Variants in DCDC1 observed in about 807,000 individuals in gnomAD.
DCDC1 encodes doublecortin domain-containing protein 1.
DCDC1 carries 200 observed loss-of-function variants against 178.3 expected under a neutral mutation model. The observed-to-expected ratio is 1.12, with a 90% confidence interval of 1.00 to 1.26. The LOEUF is 1.26. DCDC1 is among the 50% of genes most tolerant of loss of function. The pLI is 0.00. For missense variants in DCDC1, 1,983 were observed against 1,749.2 expected (o/e 1.13, Z -2.38); for synonymous variants, 690 against 604.8 (o/e 1.14, Z -2.07).
At chr11:31,226,458 G>T (rs756465485) in intron 9 of DCDC1, among the ~76,000 whole-genome samples, 1 of 149,850 alleles carries the variant, frequency 6.7e-6, no homozygotes, top group Non-Finnish European at 1.5e-5. Flanking sequence ...GTAAACCCCC[G>T]AATAAAAACA....
In DCDC1 at chr11:30,909,016, T is replaced by C; in HGVS notation, c.3848A>G (p.Glu1283Gly). Residue 1283 changes from glutamate (E) to glycine (G), a missense_variant, in exon 29 of 39, where the codon GAA becomes GGA. Glu to Gly is a moderately conservative substitution (Grantham distance 98). Transcript: ENST00000684477. The part of the protein sequence containing the change: ...VAFHSTALDK[E>G]ITSANYAGVC... ...ACCAGCATAATTTGCTGATGTAATTTCCTTATCCAAGGCAGTGCTATGAAA... is the reference window on the plus strand; with the variant it reads ...ACCAGCATAATTTGCTGATGTAATTCCCTTATCCAAGGCAGTGCTATGAAA... 1 of 1,612,066 alleles carries C rather than the reference T, an allele frequency of 6.2e-7. No homozygotes were observed. The highest frequency in any genetic ancestry group is 8.5e-7 in the Non-Finnish European group (1 of 1,178,666).
intron 9 of DCDC1, among the ~76,000 whole-genome samples, chr11:31,204,960 T>C (rs980054137): frequency 2.0e-5 from 3 of 152,194 alleles, no homozygotes; most frequent in Non-Finnish European, 4.4e-5. Context: ...TTCCAGTCTA[T>C]ATAAAGTAGA....
chr11:31,152,297 G>A (rs1359079733), intron 9 of DCDC1, among the ~76,000 whole-genome samples: 1 of 152,156 alleles, frequency 6.6e-6, no homozygotes, highest in African/African-American at 2.4e-5. Context: ...TTCCATTGGA[G>A]AGAGCTTAGT....
chr11:31,217,338 T>C (rs1168834314), intron 9 of DCDC1, among the ~76,000 whole-genome samples: 1 of 152,184 alleles, frequency 6.6e-6, no homozygotes, highest in Non-Finnish European at 1.5e-5. Context: ...TTCAAAGTGA[T>C]TTTAAGTCAA....
rs1442705505 is a variant in DCDC1 at position 30,881,300 on chromosome 11, T to C, written c.5091A>G (p.Gln1697=). ...TCATTTTGAGACGAGAGGAGCAGTC[T>C]TGCAGCAGCTGAGACACAGAGGGAC... ...AWGKTISELL[Q]DCSSRLKMTH... is the part of the protein sequence containing the mutation. Residue 1697 remains glutamine (Q), a synonymous_variant, in exon 37 of 39, where the codon CAA becomes CAG. Coordinates refer to ENST00000684477, the MANE Select transcript of DCDC1 (RefSeq NM_001387274.1). 1.9e-6 allele frequency: 3 copies of C among 1,613,142 alleles called. No individual in the cohort carries two copies. The Admixed American group carries it at 5.0e-5, about 27-fold the overall frequency.
At position 31,241,457 on chromosome 11, in the gene DCDC1, T is replaced by G; in HGVS notation, c.1214A>C (p.Tyr405Ser). Reference protein sequence around the residue: ...YQRLKSAKKYYKQLNLVMNEQ... With the variant: ...YQRLKSAKKYSKQLNLVMNEQ... Reference sequence around the variant, plus strand: ...TAAAGAGGGATGACTCACCTGTTTATAATATTTTTTTGCAGACTTTAATCG... The same window carrying G: ...TAAAGAGGGATGACTCACCTGTTTAGAATATTTTTTTGCAGACTTTAATCG... The change falls in exon 9 of 39, where the codon TAT becomes TCT. Residue 405 changes from tyrosine to serine, a missense_variant. Transcript: ENST00000684477. 2.5e-6 allele frequency: 1 copy of G among 397,122 alleles called. No homozygotes were observed. Among genetic ancestry groups the G allele is most frequent in the Non-Finnish European group, 4.5e-6 (1 of 224,674 alleles). The allele number at this position is 397,122 out of a possible 1,614,324, so 24.6% of individuals were successfully genotyped here. A position where few individuals can be genotyped will look rare whatever the true frequency, so the allele number is the denominator to read the frequency against.
chr11:31,100,130 CA>C (rs1232337226), intron 15 of DCDC1, among the ~76,000 whole-genome samples: 1 of 152,032 alleles, frequency 6.6e-6, no homozygotes, highest in Non-Finnish European at 1.5e-5. Context: ...GAATTCTAGT[CA>C]AAGAGGTCCA....
intron 1 of DCDC1, among the ~76,000 whole-genome samples, chr11:31,339,185 G>C (rs1950419188): frequency 6.6e-6 from 1 of 152,154 alleles, no homozygotes. Flanking sequence ...TATGTGCTAT[G>C]GTTGGAATGT....
chr11:30,943,698 G>A (rs1170167425), intron 21 of DCDC1: 3 of 445,624 alleles, frequency 6.7e-6, no homozygotes, highest in Non-Finnish European at 1.3e-5. Context: ...GAAACCAAAA[G>A]AATTTATTAA....
intron 1 of DCDC1, among the ~76,000 whole-genome samples, chr11:31,336,241 T>C (rs1950268005): frequency 6.6e-6 from 1 of 152,214 alleles, no homozygotes; most frequent in Non-Finnish European, 1.5e-5. Context: ...ATAGAGCTGG[T>C]AGCATCTGGG....
At chr11:31,044,481 A>G (rs1954693516) in intron 20 of DCDC1, among the ~76,000 whole-genome samples, 1 of 150,068 alleles carries the variant, frequency 6.7e-6, no homozygotes, top group East Asian at 1.9e-4. Flanking sequence ...CCATCTCAAA[A>G]AAAAAAAAAA....
intron 8 of DCDC1, among the ~76,000 whole-genome samples, chr11:31,256,540 G>A (rs1428337266): frequency 2.0e-5 from 3 of 152,180 alleles, no homozygotes; most frequent in African/African-American, 7.2e-5. Flanking sequence ...AAAAGTCTGA[G>A]ACTTATGAAG....
intron 9 of DCDC1, among the ~76,000 whole-genome samples, chr11:31,154,392 T>A (rs1965511442): frequency 6.6e-6 from 1 of 152,210 alleles, no homozygotes; most frequent in Non-Finnish European, 1.5e-5. Flanking sequence ...GACTTCTCAG[T>A]CCTAGGCCCA....
chr11:31,057,904 T>C (rs192421096), intron 20 of DCDC1, among the ~76,000 whole-genome samples: 11 of 152,244 alleles, frequency 7.2e-5, no homozygotes, highest in Admixed American at 4.6e-4. Context: ...GCAACACCCA[T>C]CATGCTCTTT....
intron 3 of DCDC1, chr11:31,314,686 T>A (rs1948961273): frequency 6.6e-6 from 1 of 152,208 alleles, no homozygotes; most frequent in African/African-American, 2.4e-5. Context: ...TATCAATCTA[T>A]GATCGCTATC....
rs755704323 is a variant in DCDC1, at chr11:30,900,480, A to G, written c.4529T>C (p.Val1510Ala). Residue 1510 changes from valine (V) to alanine (A), a missense_variant, in exon 33 of 39, where the codon GTG becomes GCG. Val to Ala is a moderately conservative substitution (Grantham distance 64). Coordinates refer to ENST00000684477, the MANE Select transcript of DCDC1 (RefSeq NM_001387274.1). ...ESMEENPRMK[V>A]KNRLFAKSVT... ...AGATTTTGCAAATAATCTGTTTTTC[A>G]CTTTCATTCTTGGATTTTCTGGTGG... is the stretch of plus-strand genomic sequence containing the variant. 3.2e-5 allele frequency: 49 copies of G among 1,543,684 alleles called. No homozygotes were observed. The highest frequency in any genetic ancestry group is 4.1e-5 in the Non-Finnish European group (47 of 1,141,980).
chr11:31,046,796 T>C (rs1430430486), intron 20 of DCDC1, among the ~76,000 whole-genome samples: 4 of 152,080 alleles, frequency 2.6e-5, no homozygotes, highest in Non-Finnish European at 5.9e-5. Context: ...TGTTAAGATA[T>C]GACACATATA....
At chr11:31,359,234 C>T (rs1394950563) in intron 1 of DCDC1, among the ~76,000 whole-genome samples, 1 of 152,096 alleles carries the variant, frequency 6.6e-6, no homozygotes, top group Non-Finnish European at 1.5e-5. Flanking sequence ...CACATATACA[C>T]CATGGAATAC....
In DCDC1 at chr11:30,863,691, G is replaced by A. The variant is rs190935538; in HGVS notation, c.*1682C>T. The A allele has an allele frequency of 8.5e-5, 13 of 152,302 alleles. No individual in the cohort carries two copies. Among genetic ancestry groups the A allele is most frequent in the Admixed American group, 6.5e-4 (10 of 15,304 alleles). 9.4% of individuals were successfully genotyped at this position (152,302 alleles called of 1,614,324 possible). ...AAGTTAGAATCACTTCATCTGACGC[G>A]TATTTAGAAATCATCCATTTGAGAA... On this transcript the variant is annotated 3_prime_UTR_variant, in exon 39 of 39. Coordinates refer to ENST00000684477, the MANE Select transcript of DCDC1 (RefSeq NM_001387274.1).
Sources: allele counts gnomAD v4.1 joint callset (sites outside exome capture counted in the v4.1 genomes callset), GRCh38; gene constraint gnomAD v4.1.1; transcripts MANE v1.5; gene names NCBI Gene and HGNC (gene_info 2026-07-23, HGNC 2026-07-21).